Variants in UTRN observed in about 807,000 individuals in gnomAD.
UTRN encodes dystrophin-related protein 1.
In UTRN, 283 loss-of-function variants were observed where a neutral mutation model predicts 463.9. That is an observed-to-expected ratio of 0.61 (90% CI 0.55 to 0.67). The LOEUF (loss-of-function observed/expected upper bound fraction) is 0.67, where lower values mean the gene tolerates loss of function less well. Ranked by LOEUF, UTRN falls within the 30% of genes least tolerant of loss-of-function variation. UTRN has a pLI of 0.00. For synonymous variants in UTRN, 1,442 were observed against 1,431.5 expected (o/e 1.01, Z -0.17); for missense variants, 3,922 against 4,084.3 (o/e 0.96, Z 1.08).
Position 144,513,966 on chromosome 6 carries a change from C to T in UTRN, c.5002C>T (p.Leu1668Phe). The stretch of plus-strand genomic sequence containing the variant: ...GAACGTGGCTCACATAAGTACCTGG[C>T]TTTATCAAGCTGAAGCTCTATTGGA... ...DGNVAHISTW[L>F]YQAEALLDEI... The change falls in exon 36 of 75, where the codon CTT becomes TTT. Residue 1668 changes from leucine to phenylalanine, a missense_variant. By Grantham distance (22) the Leu-to-Phe change is conservative (BLOSUM62 0). Around this residue, in one of 3 missense-constraint regions of UTRN, gnomAD observed 2,349 missense variants for 2,303.8 expected, o/e 1.02. Coordinates refer to ENST00000367545, the MANE Select transcript of UTRN (RefSeq NM_007124.3). 3 of 1,613,980 alleles carry T rather than the reference C, an allele frequency of 1.9e-6. No individual in the cohort carries two copies. Among genetic ancestry groups the T allele is most frequent in the Non-Finnish European group, 2.5e-6 (3 of 1,179,938 alleles).
At chr6:144,558,226 C>A (rs1488002047) in intron 50 of UTRN, among the ~76,000 whole-genome samples, 1 of 152,098 alleles carries the variant, frequency 6.6e-6, no homozygotes, top group Non-Finnish European at 1.5e-5. Flanking sequence ...TTTTTAGTTA[C>A]AATCTCTGAA....
At chr6:144,358,787 T>C (rs1291945752) in intron 2 of UTRN, among the ~76,000 whole-genome samples, 1 of 152,160 alleles carries the variant, frequency 6.6e-6, no homozygotes, top group African/African-American at 2.4e-5. Flanking sequence ...CTTTTAAAAA[T>C]TGCAATAACA....
chr6:144,483,440 G>T (rs1792096021), intron 27 of UTRN, among the ~76,000 whole-genome samples: 1 of 151,996 alleles, frequency 6.6e-6, no homozygotes, highest in African/African-American at 2.4e-5. Flanking sequence ...TTATGGCTGA[G>T]GATTTTGTTT....
chr6:144,615,802 A>C (rs1320514305), intron 51 of UTRN, among the ~76,000 whole-genome samples: 1 of 152,198 alleles, frequency 6.6e-6, no homozygotes, highest in African/African-American at 2.4e-5. Context: ...AAGCAAATAC[A>C]TAACATGACA....
intron 3 of UTRN, among the ~76,000 whole-genome samples, chr6:144,416,004 T>A (rs1784330133): frequency 1.3e-5 from 2 of 152,118 alleles, no homozygotes; most frequent in African/African-American, 4.8e-5. Context: ...TGATATGTGA[T>A]GTATTTGCAA....
At chr6:144,747,691 A>C in intron 54 of UTRN, among the ~76,000 whole-genome samples, 1 of 152,224 alleles carries the variant, frequency 6.6e-6, no homozygotes. Context: ...TGTGGGCTGC[A>C]GATGATGCCC....
At chr6:144,378,816 G>C (rs542324401) in intron 2 of UTRN, among the ~76,000 whole-genome samples, 1 of 152,348 alleles carries the variant, frequency 6.6e-6, no homozygotes, top group African/African-American at 2.4e-5. Context: ...ATTGGCTTTA[G>C]GCTGGAGGCA....
At chr6:144,525,087 A>G (rs1796448756) in intron 41 of UTRN, among the ~76,000 whole-genome samples, 1 of 152,142 alleles carries the variant, frequency 6.6e-6, no homozygotes, top group Non-Finnish European at 1.5e-5. Context: ...TATTGGATTC[A>G]GTTAGCTAGT....
At chr6:144,485,307 A>AT in intron 27 of UTRN, 78 bp from the exon 28 acceptor site, 1 of 1,559,182 alleles carries the variant, frequency 6.4e-7, no homozygotes, top group Non-Finnish European at 8.7e-7. Flanking sequence ...ATTATTAGCG[A>AT]TTAAAGAGAA....
In UTRN at chr6:144,829,536, T is replaced by A. The variant is rs183413259; in HGVS notation, c.9665+681T>A. ...TTGTGTGTACTCTTACTTTTGGAACTTTTTATTCTTTTTTTTGTGCCCTGG... is the reference window on the plus strand; with the variant it reads ...TTGTGTGTACTCTTACTTTTGGAACATTTTATTCTTTTTTTTGTGCCCTGG... On this transcript the variant is annotated intron_variant, in intron 69 of 74. Transcript: ENST00000367545. 2.6e-5 allele frequency among the ~76,000 whole-genome samples: 4 copies of A among 152,222 alleles called. No homozygotes were observed. In the East Asian group the frequency reaches 7.7e-4, roughly 29 times the overall value.
intron 51 of UTRN, chr6:144,583,523 C>A (rs1351721339): frequency 1.4e-6 from 1 of 716,340 alleles, no homozygotes; most frequent in Non-Finnish European, 2.6e-6. Context: ...GAGAACGTCT[C>A]TGCAGAAAGT....
At chr6:144,635,615 C>T (rs535759237) in intron 51 of UTRN, among the ~76,000 whole-genome samples, 6 of 132,446 alleles carry the variant, frequency 4.5e-5, no homozygotes, top group African/African-American at 1.1e-4. Context: ...TATCAGCTCA[C>T]TGCAACTTCT....
intron 54 of UTRN, among the ~76,000 whole-genome samples, chr6:144,741,862 G>C (rs1235500954): frequency 2.0e-5 from 3 of 152,126 alleles, no homozygotes; most frequent in African/African-American, 7.2e-5. Flanking sequence ...CACTTCACAA[G>C]AAGAGTAAAC....
At chr6:144,665,169 A>G (rs1780261465) in intron 51 of UTRN, among the ~76,000 whole-genome samples, 1 of 152,196 alleles carries the variant, frequency 6.6e-6, no homozygotes, top group Non-Finnish European at 1.5e-5. Flanking sequence ...TGGTGCAAAA[A>G]TAAACCAAAA....
At position 144,528,546 on chromosome 6, in the gene UTRN, G is replaced by T. The variant is rs573352155; in HGVS notation, c.5907-2506G>T. Among the ~76,000 whole-genome samples, 4 of 152,294 alleles carry T rather than the reference G, an allele frequency of 2.6e-5. No homozygotes were observed. In the East Asian group the frequency reaches 7.7e-4, roughly 29 times the overall value. On this transcript the variant is annotated intron_variant, in intron 41 of 74. Transcript: ENST00000367545. Reference sequence around the variant, plus strand: ...GATGGGGCTTCCTGAGAGCTGAACTGCAGTGATTATTATTTATCTTCTGAA... The same window carrying T: ...GATGGGGCTTCCTGAGAGCTGAACTTCAGTGATTATTATTTATCTTCTGAA...
chr6:144,301,151 C>T (rs1310220126), intron 2 of UTRN, among the ~76,000 whole-genome samples: 2 of 151,890 alleles, frequency 1.3e-5, no homozygotes, highest in Non-Finnish European at 2.9e-5. Flanking sequence ...GCCGTATTAG[C>T]AAATATAAAA....
intron 51 of UTRN, among the ~76,000 whole-genome samples, chr6:144,593,364 C>T (rs983550863): frequency 4.7e-4 from 72 of 152,184 alleles, no homozygotes; most frequent in African/African-American, 1.5e-3. Context: ...TGGTGACACC[C>T]CTAGGTACCC....
intron 51 of UTRN, among the ~76,000 whole-genome samples, chr6:144,582,118 TGA>T: frequency 6.6e-6 from 1 of 152,282 alleles, no homozygotes; most frequent in Non-Finnish European, 1.5e-5. Context: ...AAGCACTGCT[TGA>T]TAAACACCGT....
At chr6:144,771,864 T>C in intron 58 of UTRN, 43 bp from the exon 59 acceptor site, 1 of 1,528,160 alleles carries the variant, frequency 6.5e-7, no homozygotes, top group Non-Finnish European at 8.9e-7. Flanking sequence ...ATGAAGTTTT[T>C]TGATTTTTTG....
Sources: allele counts gnomAD v4.1 joint callset (sites outside exome capture counted in the v4.1 genomes callset), GRCh38; gene constraint gnomAD v4.1.1; regional missense constraint gnomAD v4.1.1; transcripts MANE v1.5; gene names NCBI Gene and HGNC (gene_info 2026-07-23, HGNC 2026-07-21).